CFAP61: variants seen among roughly 807,000 people sequenced by gnomAD.
CFAP61 encodes the protein cilia and flagella associated protein 61, also known as cilia- and flagella-associated protein 61.
Under a neutral mutation model 135.6 loss-of-function variants are expected in CFAP61, and 107 were observed. The ratio of observed to expected loss-of-function variants is 0.79; its 90% CI spans 0.67 to 0.93. The LOEUF is 0.93. CFAP61 is among the 40% of genes least tolerant of loss of function. CFAP61 has a pLI of 0.00. For synonymous variants in CFAP61, 575 were observed against 578.5 expected, an observed-to-expected ratio of 0.99 and a Z score of 0.09; for missense variants, 1,507 against 1,556.2, an observed-to-expected ratio of 0.97 and a Z score of 0.53.
chr20:20,181,207 A>G (rs28714984), intron 13 of CFAP61, among the ~76,000 whole-genome samples: 9 of 134,964 alleles, frequency 6.7e-5, no homozygotes, highest in Middle Eastern at 8.0e-3. Flanking sequence ...ATATATATGT[A>G]TATATACATA....
At chr20:20,083,993 A>G (rs1166322454) in intron 6 of CFAP61, among the ~76,000 whole-genome samples, 2 of 152,220 alleles carry the variant, frequency 1.3e-5, no homozygotes, top group African/African-American at 2.4e-5. Context: ...TTCTTAAAGA[A>G]GACCACTAGA....
At chr20:20,300,334 G>T (rs1426502150) in intron 25 of CFAP61, among the ~76,000 whole-genome samples, 1 of 152,100 alleles carries the variant, frequency 6.6e-6, no homozygotes, top group Non-Finnish European at 1.5e-5. Flanking sequence ...TCCTTTGGGG[G>T]TATTCAGAAG....
At chr20:20,108,082 G>T (rs2146661917) in intron 8 of CFAP61, among the ~76,000 whole-genome samples, 1 of 152,228 alleles carries the variant, frequency 6.6e-6, no homozygotes, top group East Asian at 1.9e-4. Flanking sequence ...TAAAACCCAA[G>T]ATCTTTTTCT....
chr20:20,303,830 ATTG>A (rs1239523025), intron 25 of CFAP61, among the ~76,000 whole-genome samples: 1 of 152,112 alleles, frequency 6.6e-6, no homozygotes, highest in East Asian at 1.9e-4. Flanking sequence ...AACCAGCTGC[ATTG>A]TTGTTCTGCA....
chr20:20,219,123 C>T (rs969316887), intron 17 of CFAP61, among the ~76,000 whole-genome samples: 7 of 152,188 alleles, frequency 4.6e-5, no homozygotes, highest in South Asian at 2.1e-4. Context: ...AATGACCAAT[C>T]CACTACTTGT....
At chr20:20,320,830 G>A (rs575115255) in intron 25 of CFAP61, among the ~76,000 whole-genome samples, 31 of 151,652 alleles carry the variant, frequency 2.0e-4, no homozygotes, top group Admixed American at 9.9e-4. Context: ...GCACTGAGGG[G>A]CAATGTAGAG....
At chr20:20,178,280 G>A (rs1177538783) in intron 13 of CFAP61, among the ~76,000 whole-genome samples, 1 of 152,184 alleles carries the variant, frequency 6.6e-6, no homozygotes, top group East Asian at 1.9e-4. Flanking sequence ...TAAATTAAAT[G>A]CTTCCTTTAT....
chr20:20,081,013 A>G (rs1026749553), intron 6 of CFAP61, among the ~76,000 whole-genome samples: 11 of 152,000 alleles, frequency 7.2e-5, no homozygotes, highest in Non-Finnish European at 1.3e-4. Context: ...AAAAAAAAAG[A>G]AAAGAAAAAA....
intron 17 of CFAP61, among the ~76,000 whole-genome samples, chr20:20,223,090 A>G (rs1273268873): frequency 6.6e-6 from 1 of 152,138 alleles, no homozygotes; most frequent in Non-Finnish European, 1.5e-5. Context: ...CTGAAAATTG[A>G]GCTCATTGTT....
rs1014952857 is a variant in CFAP61 at position 20,360,513 on chromosome 20, C to T, written c.*103C>T. 11 of 1,059,998 alleles carry T rather than the reference C, an allele frequency of 1.0e-5. No individual in the cohort carries two copies. The highest frequency in any genetic ancestry group is 1.6e-5 in the African/African-American group (1 of 62,722). The allele number at this position is 1,059,998 out of a possible 1,614,324, so 65.7% of individuals were successfully genotyped here. ...TCTGCAGCCTGGTTTGACAGCGAAGCCAGCCCCTGGTGGTTTTGTTCATTC... is the reference window on the plus strand; with the variant it reads ...TCTGCAGCCTGGTTTGACAGCGAAGTCAGCCCCTGGTGGTTTTGTTCATTC... On this transcript the variant is annotated 3_prime_UTR_variant, in exon 27 of 27. Coordinates refer to ENST00000245957, the MANE Select transcript of CFAP61 (RefSeq NM_015585.4).
At chr20:20,175,371 A>G (rs537646616) in intron 13 of CFAP61, among the ~76,000 whole-genome samples, 115 of 152,350 alleles carry the variant, frequency 7.5e-4, no homozygotes, top group Admixed American at 5.9e-3. Flanking sequence ...GCTAAAATAC[A>G]GAATCCAAGG....
chr20:20,088,913 T>C (rs1359979458), intron 6 of CFAP61, among the ~76,000 whole-genome samples: 2 of 152,136 alleles, frequency 1.3e-5, no homozygotes, highest in Non-Finnish European at 2.9e-5. Flanking sequence ...GAGGCAAAGG[T>C]TTCATCCTGG....
intron 22 of CFAP61, among the ~76,000 whole-genome samples, chr20:20,285,051 T>A (rs562026835): frequency 3.6e-4 from 55 of 152,376 alleles, no homozygotes; most frequent in African/African-American, 1.3e-3. Flanking sequence ...TTATTTTCAC[T>A]GAATATAGAA....
chr20:20,084,958 C>T (rs1354999304), intron 6 of CFAP61, among the ~76,000 whole-genome samples: 1 of 152,164 alleles, frequency 6.6e-6, no homozygotes, highest in Non-Finnish European at 1.5e-5. Context: ...CTTTTGTTTC[C>T]TCCAGGGAAG....
chr20:20,306,291 A>C (rs2056471950), intron 25 of CFAP61, among the ~76,000 whole-genome samples: 1 of 152,226 alleles, frequency 6.6e-6, no homozygotes, highest in African/African-American at 2.4e-5. Flanking sequence ...GAACACATGG[A>C]GTTCTGCAAG....
At chr20:20,286,171 T>C (rs550541008) in intron 22 of CFAP61, among the ~76,000 whole-genome samples, 12 of 152,334 alleles carry the variant, frequency 7.9e-5, no homozygotes, top group Non-Finnish European at 1.5e-4. Context: ...GTGGGATTCA[T>C]CTCAGGAGGT....
chr20:20,178,869 A>C (rs572409656), intron 13 of CFAP61, among the ~76,000 whole-genome samples: 122 of 151,924 alleles, frequency 8.0e-4, no homozygotes, highest in Non-Finnish European at 1.5e-3. Context: ...TGTGGGTTTT[A>C]TTTTCTTTCT....
intron 7 of CFAP61, chr20:20,094,856 T>C (rs1216565178): frequency 6.6e-6 from 1 of 152,186 alleles, no homozygotes; most frequent in Non-Finnish European, 1.5e-5. Context: ...CTGAAGCCTT[T>C]TGGGGTTCAA....
chr20:20,091,971 C>T (rs574732933), intron 7 of CFAP61, among the ~76,000 whole-genome samples: 30 of 152,328 alleles, frequency 2.0e-4, no homozygotes, highest in African/African-American at 5.3e-4. Context: ...CGTGAGCCAC[C>T]GTGCCCAGCT....
Sources: gnomAD v4.1 joint callset for allele counts (sites outside exome capture counted in the v4.1 genomes callset) on GRCh38, gnomAD v4.1.1 for gene constraint, MANE v1.5 for transcripts, NCBI Gene and HGNC (gene_info 2026-07-23, HGNC 2026-07-21) for gene names.